Variants in DPP10 observed in about 807,000 individuals in gnomAD.
The protein encoded by DPP10 is inactive dipeptidyl peptidase 10.
DPP10 carries 33 observed loss-of-function variants against 120.9 expected under a neutral mutation model. The ratio of observed to expected loss-of-function variants is 0.27; its 90% CI spans 0.21 to 0.37. DPP10 has a LOEUF of 0.37. Ranked by LOEUF, DPP10 falls within the 10% of genes least tolerant of loss-of-function variation. The pLI is 1.00. For missense variants in DPP10, 816 were observed against 942.8 expected (o/e 0.87, Z 1.76); for synonymous variants, 337 against 326.1 (o/e 1.03, Z -0.36).
intron 1 of DPP10, among the ~76,000 whole-genome samples, chr2:114,466,820 G>C (rs1208493935): frequency 6.6e-6 from 1 of 152,072 alleles, no homozygotes; most frequent in African/African-American, 2.4e-5. Flanking sequence ...GAGGTGGGTG[G>C]GTCGCTTGAG....
intron 8 of DPP10, among the ~76,000 whole-genome samples, chr2:115,730,494 G>A (rs905321895): frequency 5.9e-5 from 9 of 152,136 alleles, no homozygotes; most frequent in Non-Finnish European, 8.8e-5. Context: ...GTGATAAAAG[G>A]TGGTCTGTAA....
chr2:114,794,572 A>G (rs1449171893), intron 1 of DPP10, among the ~76,000 whole-genome samples: 1 of 152,200 alleles, frequency 6.6e-6, no homozygotes, highest in Non-Finnish European at 1.5e-5. Context: ...CATCAAAATG[A>G]TTTGGGAAAG....
intron 5 of DPP10, among the ~76,000 whole-genome samples, chr2:115,634,374 G>T (rs1421745021): frequency 1.3e-5 from 2 of 152,006 alleles, no homozygotes; most frequent in African/African-American, 2.4e-5. Flanking sequence ...GCTGACCTTT[G>T]GATGGGTTTT....
chr2:115,607,413 A>T (rs1278708889), intron 5 of DPP10, among the ~76,000 whole-genome samples: 1 of 152,170 alleles, frequency 6.6e-6, no homozygotes, highest in Non-Finnish European at 1.5e-5. Context: ...ATAGGGAGAG[A>T]TGCTACTTAA....
intron 5 of DPP10, among the ~76,000 whole-genome samples, chr2:115,577,264 A>C (rs554860833): frequency 3.3e-5 from 5 of 152,296 alleles, no homozygotes; most frequent in African/African-American, 1.2e-4. Flanking sequence ...CGTAGAGTCT[A>C]GTTTCTGTGG....
intron 5 of DPP10, among the ~76,000 whole-genome samples, chr2:115,674,616 GA>G (rs1298932809): frequency 6.6e-6 from 1 of 152,140 alleles, no homozygotes; most frequent in Non-Finnish European, 1.5e-5. Context: ...CAGGACTGAA[GA>G]CTTGGTCCCT....
rs547740255 is a variant in DPP10, at chr2:115,561,251, C to A, written c.441+35279C>A. Among the ~76,000 whole-genome samples, 26 of 145,056 alleles carry A rather than the reference C, an allele frequency of 1.8e-4. 2 individuals are homozygous for A. In the South Asian group the frequency reaches 5.9e-3, roughly 33 times the overall value. On this transcript the variant is annotated intron_variant, in intron 5 of 25. Transcript: ENST00000410059. ...GCACGCACCTGTAATCCCAGCTACT[C>A]GGGAGGCTGAGACAGGAGAATTGCT... is the stretch of plus-strand genomic sequence containing the variant.
chr2:115,352,390 A>G (rs754846750), intron 3 of DPP10, among the ~76,000 whole-genome samples: 2 of 152,280 alleles, frequency 1.3e-5, no homozygotes, highest in Non-Finnish European at 2.9e-5. Context: ...TTTACATTTG[A>G]AAAGTTTGTA....
At chr2:114,536,210 A>G (rs1411253138) in intron 1 of DPP10, among the ~76,000 whole-genome samples, 1 of 152,064 alleles carries the variant, frequency 6.6e-6, no homozygotes, top group Non-Finnish European at 1.5e-5. Flanking sequence ...GCTGCCTGAC[A>G]GTGTAGAATG....
chr2:115,511,895 T>TC (rs1332266626), intron 4 of DPP10, among the ~76,000 whole-genome samples: 1 of 151,332 alleles, frequency 6.6e-6, no homozygotes, highest in Admixed American at 6.6e-5. Flanking sequence ...CCCAGCTAAT[T>TC]TTTTTAAAAA....
At chr2:114,725,276 G>A (rs1244542289) in intron 1 of DPP10, among the ~76,000 whole-genome samples, 2 of 152,138 alleles carry the variant, frequency 1.3e-5, no homozygotes, top group African/African-American at 4.8e-5. Flanking sequence ...TCTATCCACC[G>A]CACTACGCAT....
intron 1 of DPP10, among the ~76,000 whole-genome samples, chr2:115,180,777 G>A (rs2054019008): frequency 6.6e-6 from 1 of 152,096 alleles, no homozygotes; most frequent in African/African-American, 2.4e-5. Flanking sequence ...TGAAAGGGTG[G>A]GAGTGGGCAT....
At chr2:114,537,306 A>G (rs1686584361) in intron 1 of DPP10, among the ~76,000 whole-genome samples, 1 of 152,200 alleles carries the variant, frequency 6.6e-6, no homozygotes, top group South Asian at 2.1e-4. Flanking sequence ...GCACCTAGGA[A>G]GGAAAACCGA....
rs1010262752 is a variant in DPP10, at chr2:114,873,550, C to T, written c.60+430712C>T. On this transcript the variant is annotated intron_variant, in intron 1 of 25. Transcript: ENST00000410059. ...CTGAATTGGTCATATCGTGTCGGTG[C>T]GTGCATGGATGGAGCAGCTGTCATG... 8.5e-5 allele frequency among the ~76,000 whole-genome samples: 13 copies of T among 152,156 alleles called. No individual in the cohort carries two copies. In the East Asian group the frequency reaches 1.2e-3, roughly 14 times the overall value.
At chr2:115,491,106 CAG>C (rs1204315285) in intron 3 of DPP10, among the ~76,000 whole-genome samples, 4 of 152,128 alleles carry the variant, frequency 2.6e-5, no homozygotes, top group Non-Finnish European at 4.4e-5. Flanking sequence ...GCCTGGGCAA[CAG>C]AGTGAAACTT....
chr2:115,593,218 G>A (rs902740708), intron 5 of DPP10, among the ~76,000 whole-genome samples: 30 of 152,226 alleles, frequency 2.0e-4, no homozygotes, highest in African/African-American at 6.7e-4. Flanking sequence ...TTGCCTTTAC[G>A]TGTGATGCAG....
chr2:114,651,425 C>A (rs148620757), intron 1 of DPP10, among the ~76,000 whole-genome samples: 1 of 152,230 alleles, frequency 6.6e-6, no homozygotes, highest in African/African-American at 2.4e-5. Context: ...ATCAAAATGA[C>A]CTGGAGACCT....
intron 21 of DPP10, among the ~76,000 whole-genome samples, chr2:115,832,139 A>G (rs1575932706): frequency 6.6e-6 from 1 of 152,168 alleles, no homozygotes; most frequent in Non-Finnish European, 1.5e-5. Flanking sequence ...GTGATATACT[A>G]TTGCATTCTG....
intron 5 of DPP10, among the ~76,000 whole-genome samples, chr2:115,651,778 A>T (rs568716845): frequency 4.6e-5 from 7 of 152,230 alleles, no homozygotes; most frequent in Admixed American, 1.3e-4. Flanking sequence ...AAAGAGAATA[A>T]GCAGATAGTT....
Sources: allele counts gnomAD v4.1 joint callset (sites outside exome capture counted in the v4.1 genomes callset), GRCh38; gene constraint gnomAD v4.1.1; transcripts MANE v1.5; gene names NCBI Gene and HGNC (gene_info 2026-07-23, HGNC 2026-07-21).